ZFC3H1: variants seen among roughly 807,000 people sequenced by gnomAD.
ZFC3H1 encodes the protein zinc finger C3H1 domain-containing protein.
In ZFC3H1, 71 loss-of-function variants were observed where a neutral mutation model predicts 243.7. The ratio of observed to expected loss-of-function variants is 0.29; its 90% CI spans 0.24 to 0.36. The LOEUF (loss-of-function observed/expected upper bound fraction) is 0.36, where lower values mean the gene tolerates loss of function less well. ZFC3H1 is among the 10% of genes least tolerant of loss of function. ZFC3H1 has a pLI of 1.00. For missense variants in ZFC3H1, 1,966 were observed against 2,317.1 expected, an observed-to-expected ratio of 0.85 and a Z score of 3.11; for synonymous variants, 838 against 813.0, an observed-to-expected ratio of 1.03 and a Z score of -0.52.
chr12:71,642,653 C>CA, intron 5 of ZFC3H1, 94 bp from the exon 6 acceptor site: 1 of 1,414,826 alleles, frequency 7.1e-7, no homozygotes, highest in Non-Finnish European at 9.5e-7. Flanking sequence ...GGAAGAGTAT[C>CA]AAAAATCATG....
In ZFC3H1 at chr12:71,610,263, C is replaced by T; in HGVS notation, c.*165G>A. 1 of 789,312 alleles carries T rather than the reference C, an allele frequency of 1.3e-6. No individual in the cohort carries two copies. Among genetic ancestry groups the T allele is most frequent in the Non-Finnish European group, 1.9e-6 (1 of 513,318 alleles). The allele number at this position is 789,312 out of a possible 1,614,324, so 48.9% of individuals were successfully genotyped here. A position where few individuals can be genotyped will look rare whatever the true frequency, so the allele number is the denominator to read the frequency against. ...TTATCCAACCGAAGAGGATCATGTT[C>T]ATTGCTTCCGGTTTTGAGGACAGGA... On this transcript the variant is annotated 3_prime_UTR_variant, in exon 35 of 35. Transcript: ENST00000378743.
intron 27 of ZFC3H1, among the ~76,000 whole-genome samples, chr12:71,615,970 T>C (rs1462362318): frequency 6.6e-6 from 1 of 152,164 alleles, no homozygotes; most frequent in Non-Finnish European, 1.5e-5. Context: ...AATTTTCCAA[T>C]GAAATCTGTA....
chr12:71,610,741 T>C lies in ZFC3H1; in HGVS notation c.5786A>G (p.Gln1929Arg). The change falls in exon 34 of 35, where the codon CAG (glutamine) becomes CGG (arginine). Residue 1929 changes from glutamine to arginine, a missense_variant. Physicochemically the swap from Gln to Arg is conservative, Grantham distance 43. This residue lies in a region of ZFC3H1 where 1,383 missense variants were observed against 1,723.7 expected (regional missense o/e 0.80). Transcript: ENST00000378743. ...AAGAGGTAACTTCTGTAAGGCTCTC[T>C]GATATAAACGGTGGACCTGTAAGAT... ...KGQREVHRLY[Q>R]RALQKLPLCA... is the part of the protein sequence containing the mutation. The C allele has an allele frequency of 6.2e-7, 1 of 1,613,236 alleles. No individual in the cohort carries two copies. Among genetic ancestry groups the C allele is most frequent in the Non-Finnish European group, 8.5e-7 (1 of 1,179,598 alleles).
chr12:71,653,764 C>T (rs1880948275), intron 2 of ZFC3H1, among the ~76,000 whole-genome samples: 1 of 152,122 alleles, frequency 6.6e-6, no homozygotes, highest in Admixed American at 6.5e-5. Context: ...GCCTGTAATC[C>T]CAGCACTTTG....
rs368392223 is a variant in ZFC3H1, at chr12:71,663,450, C to T, written c.161G>A (p.Arg54Gln). ...CCGGGCCGAGTGAGGAGGCCTTCGC[C>T]GCGGATAGGGTAACAGCCCGCCGCC... ...SSGGGLLPYP[R>Q]RRPPHSARGG... Residue 54 changes from arginine (R) to glutamine (Q), a missense_variant, in exon 1 of 35, where the codon CGG becomes CAG. Coordinates refer to ENST00000378743, the MANE Select transcript of ZFC3H1 (RefSeq NM_144982.5). 1.9e-6 allele frequency: 3 copies of T among 1,612,070 alleles called. No homozygotes were observed. In the African/African-American group the frequency reaches 4.0e-5, roughly 22 times the overall value.
At chr12:71,647,650 TAAGTGAAAGTAAGATAGACTTCCCTTAC>T in intron 3 of ZFC3H1, 71 bp downstream of exon 3, 1 of 650,436 alleles carries the variant, frequency 1.5e-6, no homozygotes, top group Non-Finnish European at 2.6e-6. Flanking sequence ...TGAAAGAAAA[TAAGTGAAAGTAAGATAGACTTCCCTTAC>T]AAAAGAACAA....
At chr12:71,627,987 C>A (rs927774473) in intron 20 of ZFC3H1, 53 bp from the exon 21 acceptor site, 11 of 1,526,212 alleles carry the variant, frequency 7.2e-6, no homozygotes, top group Non-Finnish European at 8.8e-6. Context: ...TCCACAGATG[C>A]AAGAAAAAGA....
chr12:71,650,004 T>C (rs1349052248), intron 2 of ZFC3H1, among the ~76,000 whole-genome samples: 1 of 152,136 alleles, frequency 6.6e-6, no homozygotes, highest in Non-Finnish European at 1.5e-5. Flanking sequence ...CTGGCTAACA[T>C]GGTGAAACCC....
At position 71,633,270 on chromosome 12, in the gene ZFC3H1, C is replaced by T. The variant is rs779945949; in HGVS notation, c.2679G>A (p.Gln893=). The change falls in exon 13 of 35, where the codon CAG becomes CAA. Residue 893 remains glutamine (Q), a synonymous_variant. Coordinates refer to ENST00000378743, the MANE Select transcript of ZFC3H1 (RefSeq NM_144982.5). The stretch of plus-strand genomic sequence containing the variant: ...AGTATTTTAAAATAATTACTTGTTC[C>T]TGAAGCTTCTTCAAAAACATTCTGT... ...NVNRMFLKKL[Q]EQIHRVQQRV... is the part of the protein sequence containing the mutation. The T allele has an allele frequency of 1.3e-6, 2 of 1,578,076 alleles. No homozygotes were observed. Among genetic ancestry groups the T allele is most frequent in the African/African-American group, 2.7e-5 (2 of 72,850 alleles).
chr12:71,663,819 GC>G lies in ZFC3H1; in HGVS notation c.-210del, dbSNP rs1881264833. 5.0e-6 allele frequency: 3 copies of G among 601,070 alleles called. No homozygotes were observed. Among genetic ancestry groups the G allele is most frequent in the East Asian group, 2.8e-5 (1 of 35,354 alleles). The allele number at this position is 601,070 out of a possible 1,614,324, so 37.2% of individuals were successfully genotyped here. On this transcript the variant is annotated 5_prime_UTR_variant, in exon 1 of 35. Coordinates refer to ENST00000378743, the MANE Select transcript of ZFC3H1 (RefSeq NM_144982.5). ...TCGCAACCCAGTTCCCTTTCCTAGC[GC>G]CCCCTTGCTCCTCAGCGATCGGGGT...
intron 7 of ZFC3H1, 136 bp downstream of exon 7, chr12:71,638,282 A>T (rs1159068000): frequency 1.2e-6 from 1 of 808,966 alleles, no homozygotes; most frequent in Non-Finnish European, 1.9e-6. Context: ...TGTTTATTCT[A>T]CGTATTTCAT....
chr12:71,627,172 AT>A (rs1880191864), intron 21 of ZFC3H1, among the ~76,000 whole-genome samples: 1 of 152,140 alleles, frequency 6.6e-6, no homozygotes, highest in South Asian at 2.1e-4. Flanking sequence ...AGTTATAATT[AT>A]GAAAAGATTA....
chr12:71,658,247 CAG>C (rs1176134499), intron 1 of ZFC3H1, among the ~76,000 whole-genome samples: 1 of 149,942 alleles, frequency 6.7e-6, no homozygotes, highest in African/African-American at 2.5e-5. Context: ...AGAGAAAAGA[CAG>C]TACCTCCTGT....
Position 71,646,895 on chromosome 12 carries a change from G to A in ZFC3H1, c.1080+854C>T, listed in dbSNP as rs113942032. Among the ~76,000 whole-genome samples the A allele has an allele frequency of 2.1e-3, 323 of 152,322 alleles. 1 individual carries two copies. Among genetic ancestry groups the A allele is most frequent in the African/African-American group, 7.0e-3 (290 of 41,558 alleles). ...TCGTTAGTTCCCACTAGTCAGACAA[G>A]CTCATTAAATTACTTGCTCTGACAC... is the stretch of plus-strand genomic sequence containing the variant. On this transcript the variant is annotated intron_variant, in intron 3 of 34. Coordinates refer to ENST00000378743, the MANE Select transcript of ZFC3H1 (RefSeq NM_144982.5).
At chr12:71,624,507 CA>C (rs1880110898) in intron 22 of ZFC3H1, among the ~76,000 whole-genome samples, 1 of 152,196 alleles carries the variant, frequency 6.6e-6, no homozygotes, top group Non-Finnish European at 1.5e-5. Context: ...AAAACTAAAA[CA>C]ATACAGATAT....
chr12:71,610,443 TTC>T lies in ZFC3H1; in HGVS notation c.5953_5954del (p.Glu1985LysfsTer13). The T allele has an allele frequency of 2.5e-6, 4 of 1,613,136 alleles. No individual in the cohort carries two copies. Among genetic ancestry groups the T allele is most frequent in the Non-Finnish European group, 3.4e-6 (4 of 1,179,400 alleles). ...CACCCAGTGTTCAGTGATTCTTGCTTTCTGTTTTGTTACTGTTTAAATTTAAG... is the reference window on the plus strand; with the variant it reads ...CACCCAGTGTTCAGTGATTCTTGCTTTGTTTTGTTACTGTTTAAATTTAAG... Reference protein sequence around the residue: ...ELLNLNSNKTESKNH With the variant: ...ELLNLNSNKTXSKNH On this transcript the variant is annotated frameshift_variant, in exon 35 of 35. Transcript: ENST00000378743. LOFTEE classifies it high-confidence loss of function.
rs773466297 is a variant in ZFC3H1 at position 71,644,055 on chromosome 12, T to G, written c.1503+40A>C. ...CTATGAAATATGACTTTAAGGAAAC[T>G]TAGAGTAACGTTTTGATTTTATATT... is the stretch of plus-strand genomic sequence containing the variant. On this transcript the variant is annotated intron_variant, in intron 5 of 34. Coordinates refer to ENST00000378743, the MANE Select transcript of ZFC3H1 (RefSeq NM_144982.5). 3.2e-6 allele frequency: 5 copies of G among 1,539,716 alleles called. No individual in the cohort carries two copies. In the Admixed American group the frequency reaches 5.3e-5, roughly 16 times the overall value.
chr12:71,656,291 T>C, intron 2 of ZFC3H1: 1 of 347,748 alleles, frequency 2.9e-6, no homozygotes, highest in Non-Finnish European at 5.1e-6. Flanking sequence ...TTTTACTGTA[T>C]ATAAATTATA....
chr12:71,647,081 A>T (rs976840973), intron 3 of ZFC3H1, among the ~76,000 whole-genome samples: 3 of 152,168 alleles, frequency 2.0e-5, no homozygotes, highest in African/African-American at 4.8e-5. Context: ...ATTCAGGGCC[A>T]TCTTTTTCCT....
Sources: gnomAD v4.1 joint callset for allele counts (sites outside exome capture counted in the v4.1 genomes callset) on GRCh38, gnomAD v4.1.1 for gene constraint, gnomAD v4.1.1 regional missense constraint, MANE v1.5 for transcripts, NCBI Gene and HGNC (gene_info 2026-07-23, HGNC 2026-07-21) for gene names.